The following NCAM1 variants were observed in gnomAD, a reference collection of about 807,000 sequenced individuals.
NCAM1 encodes neural cell adhesion molecule 1, also known as antigen recognized by monoclonal antibody 5.1H11.
In NCAM1, 14 loss-of-function variants were observed where a neutral mutation model predicts 109.8. The ratio of observed to expected loss-of-function variants is 0.13; its 90% CI spans 0.08 to 0.20. NCAM1 has a LOEUF of 0.20. Ranked by LOEUF, NCAM1 falls within the 10% of genes least tolerant of loss-of-function variation. The pLI is 1.00. For missense variants in NCAM1, 774 were observed against 1,109.9 expected (o/e 0.70, Z 4.30); for synonymous variants, 418 against 442.9 (o/e 0.94, Z 0.70).
At chr11:113,164,364 T>G (rs1555104903) in intron 1 of NCAM1, among the ~76,000 whole-genome samples, 1 of 152,180 alleles carries the variant, frequency 6.6e-6, no homozygotes, top group Non-Finnish European at 1.5e-5. Flanking sequence ...AGGTGTCCTA[T>G]AATTTAAATC....
intron 1 of NCAM1, among the ~76,000 whole-genome samples, chr11:113,073,161 C>G (rs1267536027): frequency 6.6e-6 from 1 of 152,156 alleles, no homozygotes; most frequent in African/African-American, 2.4e-5. Flanking sequence ...CAGGGGTCAT[C>G]TATATGAACT....
In NCAM1 at chr11:113,275,497, T is replaced by G; in HGVS notation, c.*110T>G. The G allele has an allele frequency of 2.3e-6, 3 of 1,292,426 alleles. No homozygotes were observed. The highest frequency in any genetic ancestry group is 3.2e-6 in the Non-Finnish European group (3 of 937,908). 80.1% of individuals were successfully genotyped at this position (1,292,426 alleles called of 1,614,324 possible). On this transcript the variant is annotated 3_prime_UTR_variant, in exon 20 of 20. Coordinates refer to ENST00000316851, the MANE Select transcript of NCAM1 (RefSeq NM_181351.5). ...ACGCACGCACACACACAAACACACA[T>G]GCACACACACACATCTCATTTCTCT...
rs1243641900 is a variant in NCAM1 at position 113,093,077 on chromosome 11, T to C, written c.53-109302T>C. On this transcript the variant is annotated intron_variant, in intron 1 of 19. Coordinates refer to ENST00000316851, the MANE Select transcript of NCAM1 (RefSeq NM_181351.5). ...CCTGGCTTGTCAGCGAGTGACAATA[T>C]AAATGAAGAACAAACACCGAGCATT... 7.2e-5 allele frequency among the ~76,000 whole-genome samples: 11 copies of C among 152,308 alleles called. 1 individual carries two copies. Among genetic ancestry groups the C allele is most frequent in the Admixed American group, 7.2e-4 (11 of 15,304 alleles).
At chr11:113,211,242 G>A (rs1555113622) in intron 7 of NCAM1, among the ~76,000 whole-genome samples, 1 of 152,164 alleles carries the variant, frequency 6.6e-6, no homozygotes, top group African/African-American at 2.4e-5. Flanking sequence ...AATGGGACAG[G>A]TTCTGCAAGT....
At chr11:113,010,113 A>C (rs1421369375) in intron 1 of NCAM1, among the ~76,000 whole-genome samples, 1 of 152,202 alleles carries the variant, frequency 6.6e-6, no homozygotes, top group Non-Finnish European at 1.5e-5. Context: ...TTCTGAAAGT[A>C]GGAAACTGCA....
chr11:113,124,184 C>T (rs1383916919), intron 1 of NCAM1, among the ~76,000 whole-genome samples: 1 of 152,214 alleles, frequency 6.6e-6, no homozygotes, highest in Non-Finnish European at 1.5e-5. Flanking sequence ...GAGCTAATTC[C>T]ACCTGCTGTC....
At chr11:113,010,515 T>G (rs2135109830) in intron 1 of NCAM1, among the ~76,000 whole-genome samples, 1 of 152,318 alleles carries the variant, frequency 6.6e-6, no homozygotes, top group Admixed American at 6.5e-5. Context: ...TCATATTCTA[T>G]TCTCCAGAGT....
chr11:113,038,517 A>G (rs1952965539), intron 1 of NCAM1, among the ~76,000 whole-genome samples: 1 of 152,164 alleles, frequency 6.6e-6, no homozygotes, highest in Non-Finnish European at 1.5e-5. Flanking sequence ...AACCATCTTT[A>G]GATCAAGCAA....
intron 1 of NCAM1, among the ~76,000 whole-genome samples, chr11:113,062,791 T>C (rs989205379): frequency 6.6e-6 from 1 of 151,994 alleles, no homozygotes; most frequent in Admixed American, 6.6e-5. Flanking sequence ...GGGCAACATA[T>C]TGAGACTTTA....
At chr11:113,256,502 C>T (rs782081381) in intron 16 of NCAM1, among the ~76,000 whole-genome samples, 11 of 152,266 alleles carry the variant, frequency 7.2e-5, no homozygotes, top group South Asian at 2.1e-4. Flanking sequence ...CTGGATCTCA[C>T]GCAGCTGGGT....
intron 1 of NCAM1, among the ~76,000 whole-genome samples, chr11:113,029,751 C>T (rs1369713814): frequency 6.6e-6 from 1 of 152,114 alleles, no homozygotes; most frequent in African/African-American, 2.4e-5. Context: ...TTTTTAACCA[C>T]ATTACATGTA....
chr11:113,044,383 G>T (rs1012703692), intron 1 of NCAM1, among the ~76,000 whole-genome samples: 19 of 152,090 alleles, frequency 1.2e-4, no homozygotes, highest in African/African-American at 4.3e-4. Flanking sequence ...ACACATACAT[G>T]CTGTAAAACA....
rs1555126095 is a variant in NCAM1 at position 113,274,121 on chromosome 11, C to T, written c.2457-1146C>T. On this transcript the variant is annotated intron_variant, in intron 19 of 19. Transcript: ENST00000316851. This position sits in a 1 kb window ranked among gnomAD's most constrained non-coding sequence, Gnocchi z 4.1. ...CCCCAGTCGGTGTGTTATTCAGTGC[C>T]AGGCTGAGTCCCTACCAGAAAGGCA... Among the ~76,000 whole-genome samples the T allele has an allele frequency of 2.0e-5, 3 of 152,268 alleles. No homozygotes were observed. The highest frequency in any genetic ancestry group is 7.2e-5 in the African/African-American group (3 of 41,546).
At chr11:113,264,697 C>A in intron 17 of NCAM1, 1 of 985,410 alleles carries the variant, frequency 1.0e-6, no homozygotes, top group Non-Finnish European at 1.2e-6. Context: ...CTGAAGGGAC[C>A]CTTTGGAGAT....
rs550834539 is a variant in NCAM1, at chr11:113,211,018, G to A, written c.916+3016G>A. On this transcript the variant is annotated intron_variant, in intron 7 of 19. Transcript: ENST00000316851. ...CATGCAGCCTCCCTGAAGGAACCTGGTGCCTCTTCTCCACCACCTTTTCCC... is the reference window on the plus strand; with the variant it reads ...CATGCAGCCTCCCTGAAGGAACCTGATGCCTCTTCTCCACCACCTTTTCCC... Among the ~76,000 whole-genome samples the A allele has an allele frequency of 2.0e-3, 297 of 152,248 alleles. 3 individuals are homozygous for A. Among genetic ancestry groups the A allele is most frequent in the African/African-American group, 7.0e-3 (289 of 41,534 alleles).
intron 1 of NCAM1, among the ~76,000 whole-genome samples, chr11:113,189,595 G>T (rs1366138531): frequency 2.6e-5 from 4 of 152,106 alleles, no homozygotes; most frequent in African/African-American, 9.7e-5. Context: ...CTTTGAATTG[G>T]TTCCTTGGGA....
chr11:113,189,318 C>A (rs879956600), intron 1 of NCAM1, among the ~76,000 whole-genome samples: 6 of 151,822 alleles, frequency 4.0e-5, no homozygotes, highest in Non-Finnish European at 8.8e-5. Flanking sequence ...GGCATGGTGG[C>A]GTGTGCTTGT....
intron 1 of NCAM1, among the ~76,000 whole-genome samples, chr11:112,973,145 A>G (rs896664811): frequency 1.3e-5 from 2 of 152,160 alleles, no homozygotes; most frequent in African/African-American, 2.4e-5. Flanking sequence ...AAATGTTTCT[A>G]TAGCAAAATC....
At chr11:113,154,371 G>A (rs12790042) in intron 1 of NCAM1, among the ~76,000 whole-genome samples, 5 of 152,196 alleles carry the variant, frequency 3.3e-5, no homozygotes, top group African/African-American at 4.8e-5. Flanking sequence ...TGAGCATGTC[G>A]ACATGCTGAG....
Sources: allele counts gnomAD v4.1 joint callset (sites outside exome capture counted in the v4.1 genomes callset), GRCh38; gene constraint gnomAD v4.1.1; non-coding constraint Gnocchi (gnomAD v3.1); transcripts MANE v1.5; gene names NCBI Gene and HGNC (gene_info 2026-07-23, HGNC 2026-07-21).